GABRA2: variants seen among roughly 807,000 people sequenced by gnomAD.
The protein encoded by GABRA2 is gamma-aminobutyric acid type A receptor subunit alpha2.
GABRA2 carries 16 observed loss-of-function variants against 48.7 expected under a neutral mutation model. The observed-to-expected ratio is 0.33, with a 90% CI of 0.22 to 0.50. The LOEUF is 0.50. Ranked by LOEUF, GABRA2 falls within the 20% of genes least tolerant of loss-of-function variation. The probability of loss-of-function intolerance (pLI) is 0.98; values close to 1 mark genes in which losing one functional copy is unlikely to be tolerated. For synonymous variants in GABRA2, 185 were observed against 184.5 expected (o/e 1.00, Z -0.02); for missense variants, 275 against 535.6 (o/e 0.51, Z 4.80).
chr4:46,334,042 A>G (rs1731802625), intron 3 of GABRA2, among the ~76,000 whole-genome samples: 2 of 152,114 alleles, frequency 1.3e-5, no homozygotes, highest in Non-Finnish European at 2.9e-5. Flanking sequence ...TGTATATACT[A>G]TTTTATCCCA....
Position 46,276,714 on chromosome 4 carries a change from G to C in GABRA2, c.857-14586C>G, listed in dbSNP as rs1006394341. Among the ~76,000 whole-genome samples the C allele has an allele frequency of 2.0e-5, 3 of 151,936 alleles. No homozygotes were observed. The South Asian group carries it at 6.2e-4, about 31-fold the overall frequency. ...ATTTTCTCTTTGGTGCTGACCTGCT[G>C]TTTGATAATAGAGTAGGATTTTAAC... On this transcript the variant is annotated intron_variant, in intron 8 of 9. Coordinates refer to ENST00000381620, the MANE Select transcript of GABRA2 (RefSeq NM_000807.4).
intron 8 of GABRA2, among the ~76,000 whole-genome samples, chr4:46,291,776 C>CACACAT (rs1553906974): frequency 2.1e-5 from 3 of 144,754 alleles, no homozygotes; most frequent in East Asian, 2.0e-4. Context: ...TAAACACACA[C>CACACAT]ATATATATAT....
intron 3 of GABRA2, among the ~76,000 whole-genome samples, chr4:46,354,669 CT>C (rs1447892456): frequency 1.3e-5 from 2 of 152,082 alleles, no homozygotes; most frequent in Non-Finnish European, 2.9e-5. Flanking sequence ...AGCCAGGTGG[CT>C]TTTAAAAAAA....
At chr4:46,354,263 AT>A (rs1475780512) in intron 3 of GABRA2, among the ~76,000 whole-genome samples, 3 of 152,300 alleles carry the variant, frequency 2.0e-5, no homozygotes, top group African/African-American at 7.2e-5. Context: ...TAAAGCTTGG[AT>A]GTTAACTGCT....
chr4:46,323,666 G>A (rs1351912273), intron 4 of GABRA2, among the ~76,000 whole-genome samples: 1 of 150,980 alleles, frequency 6.6e-6, no homozygotes, highest in Non-Finnish European at 1.5e-5. Context: ...CCTTCTAGTA[G>A]CTCAGACTGC....
intron 7 of GABRA2, among the ~76,000 whole-genome samples, chr4:46,304,923 CAAA>C (rs34292975): frequency 3.6e-4 from 29 of 80,634 alleles, no homozygotes; most frequent in Middle Eastern, 0.017. Context: ...GACTCTGTCT[CAAA>C]AAAAAAAAAA....
At chr4:46,327,193 C>T (rs940383896) in intron 4 of GABRA2, among the ~76,000 whole-genome samples, 5 of 151,902 alleles carry the variant, frequency 3.3e-5, no homozygotes, top group Admixed American at 1.3e-4. Context: ...TATATTTGTG[C>T]TTCCCTTAGC....
chr4:46,304,013 G>T (rs1382534376), intron 7 of GABRA2, among the ~76,000 whole-genome samples: 1 of 151,792 alleles, frequency 6.6e-6, no homozygotes, highest in Admixed American at 6.6e-5. Flanking sequence ...CACTCAAAAA[G>T]GTTTTTTTGT....
rs1726561363 is a variant in GABRA2 at position 46,305,682 on chromosome 4, T to C, written c.589A>G (p.Ile197Val). The C allele has an allele frequency of 1.2e-6, 2 of 1,612,944 alleles. No individual in the cohort carries two copies. The highest frequency in any genetic ancestry group is 1.7e-6 in the Non-Finnish European group (2 of 1,179,088). The change falls in exon 7 of 10, where the codon ATT (isoleucine) becomes GTT (valine). Residue 197 changes from isoleucine (I) to valine (V), a missense_variant. Physicochemically the swap from Ile to Val is conservative, Grantham distance 29. Around this residue, in one of 4 missense-constraint regions of GABRA2, gnomAD observed 113 missense variants for 257.1 expected, o/e 0.44. Transcript: ENST00000381620. Reference sequence around the variant, plus strand: ...GAATCAGATGCATTGTAAGTCCAAATATAAGTGACCTCTGAAGTTGTATAT... The same window carrying C: ...GAATCAGATGCATTGTAAGTCCAAACATAAGTGACCTCTGAAGTTGTATAT... ...YAYTTSEVTY[I>V]WTYNASDSVQ...
intron 1 of GABRA2, chr4:46,389,346 G>T: frequency 2.0e-6 from 2 of 985,324 alleles, no homozygotes; most frequent in Non-Finnish European, 2.4e-6. Flanking sequence ...AGAGGCAGCC[G>T]GGTTCCGATC....
intron 4 of GABRA2, among the ~76,000 whole-genome samples, chr4:46,319,227 C>T (rs1322269406): frequency 6.6e-6 from 1 of 151,770 alleles, no homozygotes; most frequent in Non-Finnish European, 1.5e-5. Flanking sequence ...AATTATAAAT[C>T]AGTACTTATA....
At position 46,246,471 on chromosome 4, in the gene GABRA2, C is replaced by T. The variant is rs904248737; in HGVS notation, c.*3837G>A. Among the ~76,000 whole-genome samples, 3 of 150,778 alleles carry T rather than the reference C, an allele frequency of 2.0e-5. No homozygotes were observed. The highest frequency in any genetic ancestry group is 4.5e-5 in the Non-Finnish European group (3 of 67,334). On this transcript the variant is annotated 3_prime_UTR_variant, in exon 10 of 10. Coordinates refer to ENST00000381620, the MANE Select transcript of GABRA2 (RefSeq NM_000807.4). ...ATGCAGATGTCAAAAATAACTGCACCCCTCCCCAGTTAAAATTTTACACTT... is the reference window on the plus strand; with the variant it reads ...ATGCAGATGTCAAAAATAACTGCACTCCTCCCCAGTTAAAATTTTACACTT...
Position 46,390,050 on chromosome 4 carries a change from G to A in GABRA2, c.-326C>T, listed in dbSNP as rs1168549492. ...GAGGGGGAAAACGATGACAGGAGCT[G>A]GGGCCGGGGGGGGAAATTGGGGGGA... On this transcript the variant is annotated 5_prime_UTR_variant, in exon 1 of 10. Transcript: ENST00000381620. 7.2e-5 allele frequency: 26 copies of A among 362,890 alleles called. No homozygotes were observed. The highest frequency in any genetic ancestry group is 6.1e-4 in the African/African-American group (25 of 40,918). 22.5% of individuals were successfully genotyped at this position (362,890 alleles called of 1,614,324 possible).
chr4:46,374,994 T>G, intron 3 of GABRA2, among the ~76,000 whole-genome samples: 1 of 152,122 alleles, frequency 6.6e-6, no homozygotes, highest in South Asian at 2.1e-4. Flanking sequence ...TTTCAATTTT[T>G]AACATGTTTT....
rs1403086245 is a variant in GABRA2, at chr4:46,247,468, C to A, written c.*2840G>T. 6.6e-6 allele frequency among the ~76,000 whole-genome samples: 1 copy of A among 151,032 alleles called. No homozygotes were observed. On this transcript the variant is annotated 3_prime_UTR_variant, in exon 10 of 10. Coordinates refer to ENST00000381620, the MANE Select transcript of GABRA2 (RefSeq NM_000807.4). ...AGTGATTTTAACACCAATTACAGGGCATGGCACAGGAGGTAAAAAATATTT... is the reference window on the plus strand; with the variant it reads ...AGTGATTTTAACACCAATTACAGGGAATGGCACAGGAGGTAAAAAATATTT...
intron 3 of GABRA2, among the ~76,000 whole-genome samples, chr4:46,380,167 T>C (rs1716567950): frequency 1.3e-5 from 2 of 152,226 alleles, no homozygotes; most frequent in Non-Finnish European, 2.9e-5. Flanking sequence ...ATTCTGTAAA[T>C]ACAGCTTTGC....
At chr4:46,375,789 G>A (rs1715607515) in intron 3 of GABRA2, among the ~76,000 whole-genome samples, 1 of 152,192 alleles carries the variant, frequency 6.6e-6, no homozygotes, top group African/African-American at 2.4e-5. Flanking sequence ...CCAAAATATG[G>A]TGTGATATGA....
At chr4:46,313,391 T>C (rs1243580245) in intron 4 of GABRA2, among the ~76,000 whole-genome samples, 1 of 152,134 alleles carries the variant, frequency 6.6e-6, no homozygotes, top group East Asian at 1.9e-4. Context: ...ATAAAGTTTA[T>C]TTATGACATT....
chr4:46,389,352 C>A (rs1316166059), intron 1 of GABRA2: 1 of 985,244 alleles, frequency 1.0e-6, no homozygotes, highest in African/African-American at 1.7e-5. Context: ...AGCCGGGTTC[C>A]GATCAAGTGC....
Sources: allele counts gnomAD v4.1 joint callset (sites outside exome capture counted in the v4.1 genomes callset), GRCh38; gene constraint gnomAD v4.1.1; regional missense constraint gnomAD v4.1.1; transcripts MANE v1.5; gene names NCBI Gene and HGNC (gene_info 2026-07-23, HGNC 2026-07-21).